Variants in JMJD6 observed in about 807,000 individuals in gnomAD.
The protein encoded by JMJD6 is jumonji domain containing 6, arginine demethylase and lysine hydroxylase.
JMJD6 carries 17 observed loss-of-function variants against 45.8 expected under a neutral mutation model. The observed-to-expected ratio is 0.37, with a 90% CI of 0.25 to 0.56. The LOEUF (loss-of-function observed/expected upper bound fraction) is 0.56, where lower values mean the gene tolerates loss of function less well. JMJD6 is among the 20% of genes least tolerant of loss of function. JMJD6 has a pLI of 0.79. For synonymous variants in JMJD6, 221 were observed against 196.3 expected (o/e 1.13, Z -1.05); for missense variants, 470 against 517.5 (o/e 0.91, Z 0.89).
chr17:76,723,181 AGT>A (rs2076849991), intron 3 of JMJD6, among the ~76,000 whole-genome samples: 1 of 151,898 alleles, frequency 6.6e-6, no homozygotes, highest in Non-Finnish European at 1.5e-5. Context: ...CCCGACCTCA[AGT>A]GATCCACCCA....
chr17:76,725,394 G>A, intron 2 of JMJD6, 73 bp downstream of exon 2: 4 of 1,316,476 alleles, frequency 3.0e-6, no homozygotes, highest in Non-Finnish European at 3.0e-6. Flanking sequence ...CTACAAGAGT[G>A]ACGCTCTGTC....
chr17:76,713,469 T>G (rs181753757), downstream of JMJD6: 2 of 152,240 alleles, frequency 1.3e-5, no homozygotes, highest in African/African-American at 4.8e-5. Flanking sequence ...TTTTGCTGCA[T>G]AGGATGTCAC....
At chr17:76,721,408 G>A (rs1462330272) in intron 4 of JMJD6, 7 of 354,998 alleles carry the variant, frequency 2.0e-5, no homozygotes, top group Non-Finnish European at 4.1e-5. Flanking sequence ...TCACTCACAA[G>A]AACTGAAGGT....
chr17:76,723,802 G>T lies in JMJD6; in HGVS notation c.775C>A (p.Gln259Lys), dbSNP rs140945471. 6.2e-7 allele frequency: 1 copy of T among 1,614,050 alleles called. No individual in the cohort carries two copies. Among genetic ancestry groups the T allele is most frequent in the Non-Finnish European group, 8.5e-7 (1 of 1,179,962 alleles). Residue 259 changes from glutamine to lysine, a missense_variant, in exon 3 of 6, where the codon CAA becomes AAA. Around this residue, in one of 4 missense-constraint regions of JMJD6, gnomAD observed 346 missense variants for 339.5 expected, o/e 1.02. Coordinates refer to ENST00000397625, the MANE Select transcript of JMJD6 (RefSeq NM_015167.3). ...ACAAAGACAGTCTCTCCTGGTTTTTGTAAGATTTCCAGGGGTTTGAATTCA... is the reference window on the plus strand; with the variant it reads ...ACAAAGACAGTCTCTCCTGGTTTTTTTAAGATTTCCAGGGGTTTGAATTCA... ...PPEFKPLEIL[Q>K]KPGETVFVPG... is the part of the protein sequence containing the mutation.
At chr17:76,718,003 T>TA (rs796222709), downstream of JMJD6, among the ~76,000 whole-genome samples, 109 of 121,260 alleles carry the variant, frequency 9.0e-4, no homozygotes, top group African/African-American at 2.9e-3. Flanking sequence ...AAAAAAATAA[T>TA]AAAAAAAAAA....
intron 4 of JMJD6, 104 bp from the exon 5 acceptor site, chr17:76,720,602 C>T: frequency 9.0e-7 from 1 of 1,107,136 alleles, no homozygotes. Flanking sequence ...CCTGGGAATG[C>T]CAGGTGTGTC....
downstream of JMJD6, chr17:76,714,396 T>C (rs2076749869): frequency 6.6e-6 from 1 of 152,278 alleles, no homozygotes; most frequent in Non-Finnish European, 1.5e-5. Flanking sequence ...TTTACTGTTG[T>C]TGGCACCATT....
intron 3 of JMJD6, 48 bp from the exon 4 acceptor site, chr17:76,721,981 A>G: frequency 6.2e-7 from 1 of 1,602,642 alleles, no homozygotes; most frequent in Non-Finnish European, 8.5e-7. Flanking sequence ...TCCTATACCT[A>G]ATTACTGTAT....
chr17:76,723,617 A>AT (rs1433660866), intron 3 of JMJD6, among the ~76,000 whole-genome samples, 155 bp downstream of exon 3: 1 of 150,654 alleles, frequency 6.6e-6, no homozygotes, highest in Non-Finnish European at 1.5e-5. Context: ...ATTTTTTTGT[A>AT]TTTTTAGTAG....
intron 2 of JMJD6, among the ~76,000 whole-genome samples, 185 bp downstream of exon 2, chr17:76,725,282 C>A (rs2076896233): frequency 6.6e-6 from 1 of 151,842 alleles, no homozygotes; most frequent in Non-Finnish European, 1.5e-5. Context: ...GTGGCGCATG[C>A]CTGTAATCCC....
At chr17:76,725,424 A>AAAG in intron 2 of JMJD6, 43 bp downstream of exon 2, 1 of 1,508,534 alleles carries the variant, frequency 6.6e-7, no homozygotes, top group Non-Finnish European at 8.8e-7. Context: ...AAAAAAAAAA[A>AAAG]AAAAGAAAAG....
At chr17:76,725,237 CG>C (rs2076894727) in intron 2 of JMJD6, among the ~76,000 whole-genome samples, 4 of 151,852 alleles carry the variant, frequency 2.6e-5, no homozygotes, top group African/African-American at 9.7e-5. Flanking sequence ...GGTGAAACCC[CG>C]TCTCTACTAA....
At chr17:76,715,799 A>G (rs993134737), downstream of JMJD6, 8 of 152,242 alleles carry the variant, frequency 5.3e-5, no homozygotes, top group Admixed American at 3.3e-4. Context: ...CCAAAAAGTC[A>G]TCCAGTTAGT....
rs745474046 is a variant in JMJD6, at chr17:76,720,315, T to C, written c.1080+45A>G. ...CACACCTGGTTATGACTGAGTTACA[T>C]GAGCCTTGGAGGCTCCAGGAGTCAG... On this transcript the variant is annotated intron_variant, in intron 5 of 5. Transcript: ENST00000397625. 2 of 1,587,108 alleles carry C rather than the reference T, an allele frequency of 1.3e-6. 1 individual carries two copies. Among genetic ancestry groups the C allele is most frequent in the South Asian group, 2.2e-5 (2 of 90,546 alleles).
In JMJD6 at chr17:76,726,339, C is replaced by T; in HGVS notation, c.129+8G>A. On this transcript the variant is annotated splice_region_variant and intron_variant, in intron 1 of 5. Coordinates refer to ENST00000397625, the MANE Select transcript of JMJD6 (RefSeq NM_015167.3). ...CCCGGCCTGGCCACCCCCGCCCGAC[C>T]CGCTCACCGCCACGGCCGCCGGGCT... 2 of 1,571,488 alleles carry T rather than the reference C, an allele frequency of 1.3e-6. No homozygotes were observed. The highest frequency in any genetic ancestry group is 8.6e-7 in the Non-Finnish European group (1 of 1,162,408).
chr17:76,717,198 A>G (rs957292601), downstream of JMJD6, among the ~76,000 whole-genome samples: 1 of 152,192 alleles, frequency 6.6e-6, no homozygotes. Flanking sequence ...AACCCTATGA[A>G]CGTCAGTATT....
chr17:76,724,101 A>G, intron 2 of JMJD6, 43 bp from the exon 3 acceptor site: 1 of 1,591,812 alleles, frequency 6.3e-7, no homozygotes, highest in East Asian at 2.2e-5. Flanking sequence ...TAATTTACTT[A>G]CACACATACC....
chr17:76,714,392 G>A (rs992526761), downstream of JMJD6: 4 of 152,232 alleles, frequency 2.6e-5, no homozygotes, highest in African/African-American at 9.6e-5. Flanking sequence ...TCACTTTACT[G>A]TTGTTGGCAC....
At chr17:76,726,076 A>C (rs1025660329) in intron 1 of JMJD6, among the ~76,000 whole-genome samples, 2 of 152,148 alleles carry the variant, frequency 1.3e-5, no homozygotes, top group Admixed American at 1.3e-4. Flanking sequence ...CCCGCCGCCC[A>C]AAGGAGTCAG....
Sources: allele counts gnomAD v4.1 joint callset (sites outside exome capture counted in the v4.1 genomes callset), GRCh38; gene constraint gnomAD v4.1.1; regional missense constraint gnomAD v4.1.1; transcripts MANE v1.5; gene names NCBI Gene and HGNC (gene_info 2026-07-23, HGNC 2026-07-21).